Variants in FHIT observed in about 807,000 individuals in gnomAD.
FHIT encodes the protein fragile histidine triad diadenosine triphosphatase.
FHIT carries 19 observed loss-of-function variants against 17.9 expected under a neutral mutation model. The ratio of observed to expected loss-of-function variants is 1.06; its 90% CI spans 0.74 to 1.56. The LOEUF (loss-of-function observed/expected upper bound fraction) is 1.56. Ranked by LOEUF, FHIT falls within the 40% of genes most tolerant of loss-of-function variation. The pLI, the probability that FHIT is intolerant of heterozygous loss-of-function variation, is 0.00. For missense variants in FHIT, 248 were observed against 189.2 expected, an observed-to-expected ratio of 1.31 and a Z score of -1.82; for synonymous variants, 81 against 69.7, an observed-to-expected ratio of 1.16 and a Z score of -0.81.
At chr3:60,646,325 C>A (rs1329125506) in intron 4 of FHIT, among the ~76,000 whole-genome samples, 1 of 152,062 alleles carries the variant, frequency 6.6e-6, no homozygotes, top group South Asian at 2.1e-4. Flanking sequence ...ATCAAGTGAG[C>A]AAAATGGTAT....
chr3:61,223,352 A>G (rs1204274531), intron 1 of FHIT, among the ~76,000 whole-genome samples: 1 of 152,172 alleles, frequency 6.6e-6, no homozygotes, highest in Admixed American at 6.5e-5. Context: ...GAATAACAGA[A>G]AGACCAGATC....
intron 5 of FHIT, among the ~76,000 whole-genome samples, chr3:60,416,135 T>C (rs2107243836): frequency 6.6e-6 from 1 of 151,766 alleles, no homozygotes; most frequent in East Asian, 1.9e-4. Flanking sequence ...GCCAATCTAA[T>C]CAGAATTTTG....
intron 4 of FHIT, among the ~76,000 whole-genome samples, chr3:60,622,453 G>C (rs72889658): frequency 0.014 from 2,178 of 152,174 alleles, 61 homozygotes; most frequent in African/African-American, 0.05. Context: ...ACTTAAGAGA[G>C]AGAAAGGCAA....
At position 60,945,425 on chromosome 3, in the gene FHIT, C is replaced by T. The variant is rs199953727; in HGVS notation, c.-111+96622G>A. 2.2e-3 allele frequency among the ~76,000 whole-genome samples: 330 copies of T among 152,218 alleles called. 4 individuals carry two copies. The East Asian group carries it at 0.04, about 19-fold the overall frequency. On this transcript the variant is annotated intron_variant, in intron 3 of 9. Transcript: ENST00000492590. ...TTTGTTTTGCTTTGATAGAGTCTCG[C>T]TCTGTCACCCACACTGGAGTGCAGT...
chr3:60,062,337 A>G (rs945728142), intron 5 of FHIT, among the ~76,000 whole-genome samples: 1 of 152,142 alleles, frequency 6.6e-6, no homozygotes, highest in African/African-American at 2.4e-5. Context: ...CTCAGGATTC[A>G]ATGATAATGA....
At chr3:60,759,672 G>T (rs1699570239) in intron 4 of FHIT, among the ~76,000 whole-genome samples, 2 of 152,198 alleles carry the variant, frequency 1.3e-5, no homozygotes, top group East Asian at 1.9e-4. Context: ...TGTCACGAAG[G>T]AGGAAGTGAT....
At chr3:59,845,346 G>A (rs114780266) in intron 8 of FHIT, among the ~76,000 whole-genome samples, 2,736 of 151,510 alleles carry the variant, frequency 0.018, 41 homozygotes, top group Non-Finnish European at 0.025. Context: ...GGGTTAGTGC[G>A]TTATTTTTCT....
At chr3:60,964,988 G>A (rs4458323) in intron 3 of FHIT, among the ~76,000 whole-genome samples, 24,610 of 152,118 alleles carry the variant, frequency 0.16, 2,582 homozygotes, top group Middle Eastern at 0.26. Context: ...GCCTTGCTAG[G>A]TTTGGGAAGT....
chr3:60,223,032 A>G (rs1704033384), intron 5 of FHIT, among the ~76,000 whole-genome samples: 1 of 152,212 alleles, frequency 6.6e-6, no homozygotes, highest in Non-Finnish European at 1.5e-5. Flanking sequence ...CTATTAAAAC[A>G]CATACCCATA....
chr3:61,097,302 C>T (rs931964877), intron 2 of FHIT, among the ~76,000 whole-genome samples: 6 of 152,080 alleles, frequency 3.9e-5, no homozygotes, highest in African/African-American at 1.4e-4. Flanking sequence ...TCGCCTCACC[C>T]GGGAAGCGCA....
At chr3:60,745,663 G>A (rs1553715161) in intron 4 of FHIT, among the ~76,000 whole-genome samples, 4 of 152,054 alleles carry the variant, frequency 2.6e-5, no homozygotes, top group African/African-American at 7.2e-5. Context: ...TGGTAATTTG[G>A]ACTTGGATGG....
intron 5 of FHIT, among the ~76,000 whole-genome samples, chr3:60,100,377 C>T (rs1255435617): frequency 6.6e-6 from 1 of 151,834 alleles, no homozygotes; most frequent in Admixed American, 6.6e-5. Context: ...GAGCAAGACT[C>T]TGCCTCAAAA....
At position 61,042,069 on chromosome 3, in the gene FHIT, C is replaced by T. The variant is rs1296395881; in HGVS notation, c.-133G>A. ...TACCTTCTTTCTCTTTCTCTCCCTT[C>T]CACCGTCTGGATGTAGATAGCACTA... On this transcript the variant is annotated 5_prime_UTR_variant, in exon 3 of 10. Transcript: ENST00000492590. 2 of 152,218 alleles carry T rather than the reference C, an allele frequency of 1.3e-5. No homozygotes were observed. Among genetic ancestry groups the T allele is most frequent in the African/African-American group, 4.8e-5 (2 of 41,454 alleles). 9.4% of individuals were successfully genotyped at this position (152,218 alleles called of 1,614,324 possible).
chr3:60,422,529 T>C (rs962308724), intron 5 of FHIT, among the ~76,000 whole-genome samples: 3 of 152,168 alleles, frequency 2.0e-5, no homozygotes, highest in Non-Finnish European at 4.4e-5. Context: ...TTTTTTGTTG[T>C]TGTTATTGCT....
chr3:60,285,669 A>C (rs1362052264), intron 5 of FHIT, among the ~76,000 whole-genome samples: 3 of 152,184 alleles, frequency 2.0e-5, no homozygotes, highest in Non-Finnish European at 4.4e-5. Context: ...AACCAGTTTG[A>C]ACACTTTAAA....
chr3:60,082,095 T>C (rs1213639508), intron 5 of FHIT, among the ~76,000 whole-genome samples: 2 of 151,726 alleles, frequency 1.3e-5, no homozygotes, highest in African/African-American at 4.8e-5. Context: ...TAGTACCCAA[T>C]AGCTCTTTTT....
chr3:60,378,439 C>A (rs1700666725), intron 5 of FHIT, among the ~76,000 whole-genome samples: 1 of 152,138 alleles, frequency 6.6e-6, no homozygotes, highest in Non-Finnish European at 1.5e-5. Context: ...GCTTACAAAC[C>A]AAGACCATCA....
chr3:60,500,161 T>C (rs534769281), intron 5 of FHIT, among the ~76,000 whole-genome samples: 92 of 152,322 alleles, frequency 6.0e-4, no homozygotes, highest in African/African-American at 2.1e-3. Flanking sequence ...ATACCTATTT[T>C]TGTAAATAAA....
chr3:61,013,181 A>G (rs2031895720), intron 3 of FHIT, among the ~76,000 whole-genome samples: 1 of 152,166 alleles, frequency 6.6e-6, no homozygotes, highest in African/African-American at 2.4e-5. Context: ...GAAAGAAGAA[A>G]AAAAGGAGCT....
Sources: gnomAD v4.1 joint callset for allele counts (sites outside exome capture counted in the v4.1 genomes callset) on GRCh38, gnomAD v4.1.1 for gene constraint, MANE v1.5 for transcripts, NCBI Gene and HGNC (gene_info 2026-07-23, HGNC 2026-07-21) for gene names.